The following UTP20 variants were observed in gnomAD, a reference collection of about 807,000 sequenced individuals.
UTP20 encodes small subunit processome component 20 homolog.
A neutral mutation model predicts 329.5 loss-of-function variants in UTP20; 164 were observed. The ratio of observed to expected loss-of-function variants is 0.50; its 90% CI spans 0.44 to 0.57. The LOEUF is 0.57. Among genes scored for constraint, UTP20 ranks in the 20% least tolerant of loss-of-function variants. The pLI is 0.00. For synonymous variants in UTP20, 1,151 were observed against 1,159.3 expected (o/e 0.99, Z 0.14); for missense variants, 3,055 against 3,284.2 (o/e 0.93, Z 1.71).
At chr12:101,306,298 T>A (rs897252720) in intron 16 of UTP20, among the ~76,000 whole-genome samples, 5 of 152,124 alleles carry the variant, frequency 3.3e-5, no homozygotes, top group African/African-American at 7.2e-5. Flanking sequence ...TCAGTAGGGC[T>A]AGGGTAGAAC....
intron 56 of UTP20, among the ~76,000 whole-genome samples, 189 bp from the exon 57 acceptor site, chr12:101,379,176 ATCTAAT>A (rs1870567058): frequency 6.6e-6 from 1 of 152,088 alleles, no homozygotes; most frequent in Non-Finnish European, 1.5e-5. Context: ...TATTCCTTCT[ATCTAAT>A]TCTATTTTTG....
At chr12:101,302,063 T>C (rs1872534972) in intron 14 of UTP20, among the ~76,000 whole-genome samples, 2 of 152,170 alleles carry the variant, frequency 1.3e-5, no homozygotes, top group Admixed American at 1.3e-4. Context: ...CCTGAGTAGT[T>C]GGGACTACAG....
At position 101,338,825 on chromosome 12, in the gene UTP20, T is replaced by C. The variant is rs188752585; in HGVS notation, c.3881T>C (p.Ile1294Thr). ...CTATCTATTTCAGAGTCTATCACAA[T>C]AGGAGGAAGATTAATTCTACCTCAT... ...IAENIGESITIGGRLILPHVP... is the reference protein window; with the variant it reads ...IAENIGESITTGGRLILPHVP... Residue 1294 changes from isoleucine to threonine, a missense_variant, in exon 31 of 62, where the codon ATA becomes ACA. By Grantham distance (89) the Ile-to-Thr change is moderately conservative. Transcript: ENST00000261637. 2 of 1,608,242 alleles carry C rather than the reference T, an allele frequency of 1.2e-6. No individual in the cohort carries two copies. Among genetic ancestry groups the C allele is most frequent in the Non-Finnish European group, 1.7e-6 (2 of 1,178,392 alleles).
intron 28 of UTP20, 36 bp downstream of exon 28, chr12:101,333,480 C>T (rs761674458): frequency 6.2e-7 from 1 of 1,600,848 alleles, no homozygotes; most frequent in Non-Finnish European, 8.5e-7. Flanking sequence ...TATGTACGTT[C>T]TGCTTTTTCC....
intron 21 of UTP20, 80 bp from the exon 22 acceptor site, chr12:101,317,398 A>G (rs967653578): frequency 3.5e-5 from 50 of 1,447,618 alleles, no homozygotes; most frequent in Non-Finnish European, 4.1e-5. Flanking sequence ...AACTGTGGAC[A>G]TCTCTCATGA....
intron 7 of UTP20, among the ~76,000 whole-genome samples, chr12:101,290,503 A>G (rs760537757): frequency 2.0e-5 from 3 of 152,160 alleles, no homozygotes; most frequent in Non-Finnish European, 2.9e-5. Flanking sequence ...GGTAAGATAA[A>G]TTGATTAATG....
intron 12 of UTP20, among the ~76,000 whole-genome samples, chr12:101,296,789 C>G (rs1434188699): frequency 6.6e-6 from 1 of 151,736 alleles, no homozygotes; most frequent in African/African-American, 2.4e-5. Flanking sequence ...AATTATATAC[C>G]TTTGTATTGT....
intron 38 of UTP20, among the ~76,000 whole-genome samples, chr12:101,347,364 GAT>G (rs2120952358): frequency 6.6e-6 from 1 of 152,116 alleles, no homozygotes; most frequent in South Asian, 2.1e-4. Context: ...GTGCACCAAA[GAT>G]ATAAAAATTA....
intron 7 of UTP20, 76 bp downstream of exon 7, chr12:101,290,350 T>A: frequency 6.7e-7 from 1 of 1,494,754 alleles, no homozygotes; most frequent in Middle Eastern, 1.8e-4. Context: ...AGGCAAATGA[T>A]GTGGAGGGAA....
chr12:101,311,663 C>A, intron 19 of UTP20, 56 bp from the exon 20 acceptor site: 3 of 1,419,302 alleles, frequency 2.1e-6, no homozygotes, highest in Non-Finnish European at 2.9e-6. Context: ...TTTCTATGAG[C>A]AATCTTAAAA....
At chr12:101,310,723 C>T (rs1457422738) in intron 19 of UTP20, among the ~76,000 whole-genome samples, 4 of 151,952 alleles carry the variant, frequency 2.6e-5, no homozygotes, top group African/African-American at 4.8e-5. Context: ...AAAACCCCAA[C>T]GATTAGTTAT....
chr12:101,352,169 C>G lies in UTP20; in HGVS notation c.4999C>G (p.Gln1667Glu). 1 of 1,609,070 alleles carries G rather than the reference C, an allele frequency of 6.2e-7. No individual in the cohort carries two copies. Residue 1667 changes from glutamine to glutamate, a missense_variant, in exon 39 of 62, where the codon CAG becomes GAG. Gln to Glu is a conservative substitution (Grantham distance 29, BLOSUM62 2). Coordinates refer to ENST00000261637, the MANE Select transcript of UTP20 (RefSeq NM_014503.3). ...KHFIHVLQTGQINQKLGVSLL... is the reference protein window; with the variant it reads ...KHFIHVLQTGEINQKLGVSLL... ...TTTCATTCATGTCTTACAAACGGGA[C>G]AGATCAATCAAAAACTGGGTGTCAG...
intron 60 of UTP20, among the ~76,000 whole-genome samples, chr12:101,384,069 TTTGA>T (rs1421598897): frequency 1.3e-5 from 2 of 152,100 alleles, no homozygotes; most frequent in African/African-American, 2.4e-5. Flanking sequence ...TTGTATTATA[TTTGA>T]TTGCCCTCTT....
intron 5 of UTP20, among the ~76,000 whole-genome samples, chr12:101,287,883 T>A (rs897702683): frequency 6.6e-6 from 1 of 152,254 alleles, no homozygotes; most frequent in Non-Finnish European, 1.5e-5. Context: ...CTTGGGCACA[T>A]GCCCGGGAGA....
At chr12:101,334,378 AATTTGGTATATGT>A (rs776346167) in intron 28 of UTP20, 34 bp from the exon 29 acceptor site, 2 of 1,524,758 alleles carry the variant, frequency 1.3e-6, no homozygotes, top group Non-Finnish European at 1.8e-6. Flanking sequence ...GTTTTTCTAT[AATTTGGTATATGT>A]ATTTGGTATT....
At chr12:101,281,061 A>T in intron 1 of UTP20, 55 bp from the exon 2 acceptor site, 3 of 1,425,458 alleles carry the variant, frequency 2.1e-6, no homozygotes, top group Non-Finnish European at 9.7e-7. Flanking sequence ...AATAGATATT[A>T]AAGATCTGAT....
At chr12:101,379,128 A>G (rs1162483370) in intron 56 of UTP20, among the ~76,000 whole-genome samples, 1 of 152,174 alleles carries the variant, frequency 6.6e-6, no homozygotes, top group Non-Finnish European at 1.5e-5. Flanking sequence ...CATCGTTGTT[A>G]ACTATAGTCA....
At chr12:101,321,483 T>C in intron 24 of UTP20, 21 bp from the exon 25 acceptor site, 1 of 1,611,144 alleles carries the variant, frequency 6.2e-7, no homozygotes, top group Non-Finnish European at 8.5e-7. Context: ...TGGTGATTTG[T>C]GCTGTTCTCT....
chr12:101,348,980 A>C (rs1232373915), intron 38 of UTP20, among the ~76,000 whole-genome samples: 1 of 151,764 alleles, frequency 6.6e-6, no homozygotes, highest in Non-Finnish European at 1.5e-5. Context: ...TTGTTTTTGC[A>C]AGGTAATGTT....
Sources: gnomAD v4.1 joint callset for allele counts (sites outside exome capture counted in the v4.1 genomes callset) on GRCh38, gnomAD v4.1.1 for gene constraint, MANE v1.5 for transcripts, NCBI Gene and HGNC (gene_info 2026-07-23, HGNC 2026-07-21) for gene names.